CATSPERD: variants seen among roughly 807,000 people sequenced by gnomAD.
CATSPERD encodes the protein catsper channel auxiliary subunit delta, also known as cation channel sperm-associated auxiliary subunit delta.
A neutral mutation model predicts 98.1 loss-of-function variants in CATSPERD; 86 were observed. That is an observed-to-expected ratio of 0.88 (90% CI 0.74 to 1.05). The LOEUF (loss-of-function observed/expected upper bound fraction) is 1.05. Among genes scored for constraint, CATSPERD ranks in the 50% least tolerant of loss-of-function variants. The pLI is 0.00. For synonymous variants in CATSPERD, 394 were observed against 390.2 expected, an observed-to-expected ratio of 1.01 and a Z score of -0.12; for missense variants, 995 against 1,005.7, an observed-to-expected ratio of 0.99 and a Z score of 0.14.
At chr19:5,734,903 CA>C (rs2055812695) in intron 5 of CATSPERD, among the ~76,000 whole-genome samples, 1 of 151,968 alleles carries the variant, frequency 6.6e-6, no homozygotes, top group African/African-American at 2.4e-5. Context: ...GTCTGGTAAC[CA>C]AGCTGGATTA....
At chr19:5,778,254 T>G in intron 21 of CATSPERD, 122 bp from the exon 22 acceptor site, 1 of 720,826 alleles carries the variant, frequency 1.4e-6, no homozygotes, top group South Asian at 1.8e-5. Context: ...GAAGTGGGTA[T>G]ACCCGGTCAC....
chr19:5,768,341 TTTATTA>T lies in CATSPERD; in HGVS notation c.1634+108_1634+113del. The T allele has an allele frequency of 5.4e-6, 4 of 741,524 alleles. No individual in the cohort carries two copies. In the South Asian group the frequency reaches 1.2e-4, roughly 21 times the overall value. 45.9% of individuals were successfully genotyped at this position (741,524 alleles called of 1,614,324 possible). A position where few individuals can be genotyped will look rare whatever the true frequency, so the allele number is the denominator to read the frequency against. On this transcript the variant is annotated intron_variant, in intron 18 of 21. Transcript: ENST00000381624. ...GGAATTTTATTTATTTATTTATTTA[TTTATTA>T]TTATTATTGAGATGGAGTCTCGCCT...
chr19:5,734,585 C>T (rs2055804995), intron 5 of CATSPERD, among the ~76,000 whole-genome samples: 1 of 151,902 alleles, frequency 6.6e-6, no homozygotes, highest in African/African-American at 2.4e-5. Flanking sequence ...TTGCGGTGAG[C>T]CGAGATTGTG....
chr19:5,764,003 C>T (rs1418981957), intron 16 of CATSPERD, among the ~76,000 whole-genome samples: 1 of 150,750 alleles, frequency 6.6e-6, no homozygotes, highest in East Asian at 2.0e-4. Flanking sequence ...CATGTGCCAC[C>T]ATGCCCAGCT....
At chr19:5,762,058 A>ATATTTT in intron 15 of CATSPERD, among the ~76,000 whole-genome samples, 4 of 10,438 alleles carry the variant, frequency 3.8e-4, no homozygotes, top group South Asian at 7.8e-3. Flanking sequence ...ATATATATAT[A>ATATTTT]TTTTTTTTTT....
intron 19 of CATSPERD, 90 bp downstream of exon 19, chr19:5,771,162 C>T: frequency 7.5e-7 from 1 of 1,335,298 alleles, no homozygotes; most frequent in Non-Finnish European, 1.0e-6. Flanking sequence ...CCTCCAGGCT[C>T]CCCTAGATCC....
At position 5,735,477 on chromosome 19, in the gene CATSPERD, A is replaced by T. The variant is rs534493565; in HGVS notation, c.391+1507A>T. On this transcript the variant is annotated intron_variant, in intron 5 of 21. Coordinates refer to ENST00000381624, the MANE Select transcript of CATSPERD (RefSeq NM_152784.4). ...AGGCATGTGCCACCACGCCCAGCTA[A>T]TTTTTTTTTTTTTTTTGACGGAGTC... is the stretch of plus-strand genomic sequence containing the variant. Among the ~76,000 whole-genome samples the T allele has an allele frequency of 7.3e-4, 103 of 140,502 alleles. No individual in the cohort carries two copies. The South Asian group carries it at 0.022, about 30-fold the overall frequency. 92.2% of individuals were successfully genotyped at this position (140,502 alleles called of 152,430 possible).
At chr19:5,724,234 C>T (rs902138457) in intron 1 of CATSPERD, among the ~76,000 whole-genome samples, 2 of 151,350 alleles carry the variant, frequency 1.3e-5, no homozygotes, top group African/African-American at 2.4e-5. Context: ...CTCTAATTTT[C>T]GTATTTTCAG....
chr19:5,757,454 T>C (rs913208683), intron 13 of CATSPERD, among the ~76,000 whole-genome samples: 13 of 151,554 alleles, frequency 8.6e-5, no homozygotes, highest in African/African-American at 2.9e-4. Context: ...TGCACCACCA[T>C]GCCTGGCTAA....
intron 18 of CATSPERD, among the ~76,000 whole-genome samples, chr19:5,770,654 G>T (rs1352283930): frequency 6.6e-6 from 1 of 151,542 alleles, no homozygotes; most frequent in Non-Finnish European, 1.5e-5. Flanking sequence ...GGTGGTGCGT[G>T]CCTGTAATCC....
chr19:5,760,797 T>G (rs55740795), intron 15 of CATSPERD, among the ~76,000 whole-genome samples: 6,133 of 151,894 alleles, frequency 0.04, 193 homozygotes, highest in South Asian at 0.068. Flanking sequence ...AGGAGATCCA[T>G]AGCAACTCAG....
chr19:5,748,314 G>A (rs2056135477), intron 10 of CATSPERD, 59 bp downstream of exon 10: 1 of 1,514,274 alleles, frequency 6.6e-7, no homozygotes, highest in Non-Finnish European at 9.2e-7. Context: ...TTAACCGTAG[G>A]CCTGCCAGAC....
intron 11 of CATSPERD, among the ~76,000 whole-genome samples, chr19:5,751,341 A>G (rs1175780443): frequency 2.7e-5 from 4 of 150,520 alleles, no homozygotes; most frequent in African/African-American, 9.8e-5. Flanking sequence ...TGGCTAACAC[A>G]GTGAAACCCT....
intron 3 of CATSPERD, among the ~76,000 whole-genome samples, chr19:5,728,179 G>A (rs1421192300): frequency 6.6e-6 from 1 of 151,528 alleles, no homozygotes; most frequent in Non-Finnish European, 1.5e-5. Flanking sequence ...CCAACATGGT[G>A]AAACCCCGTC....
intron 12 of CATSPERD, chr19:5,753,677 G>A (rs907405283): frequency 1.2e-4 from 38 of 327,202 alleles, no homozygotes; most frequent in Non-Finnish European, 2.2e-4. Flanking sequence ...TGGGACCAGC[G>A]TGGCAACATA....
chr19:5,766,103 T>C lies in CATSPERD; in HGVS notation c.1507T>C (p.Ser503Pro). 1 of 1,612,764 alleles carries C rather than the reference T, an allele frequency of 6.2e-7. No individual in the cohort carries two copies. Among genetic ancestry groups the C allele is most frequent in the Admixed American group, 1.7e-5 (1 of 59,816 alleles). The change falls in exon 17 of 22, where the codon TCG becomes CCG. Residue 503 changes from serine (S) to proline (P), a missense_variant and splice_region_variant. Around this residue, in one of 3 missense-constraint regions of CATSPERD, gnomAD observed 762 missense variants for 773.7 expected, o/e 0.98. Coordinates refer to ENST00000381624, the MANE Select transcript of CATSPERD (RefSeq NM_152784.4). ...ATATTTCTGTCTCTCTCCTCTGCAG[T>C]CGACACTGATTTCAGTTGGCTGCGA... ...EISCVDIKPL[S>P]TLISVGCDLD...
intron 16 of CATSPERD, among the ~76,000 whole-genome samples, 170 bp from the exon 17 acceptor site, chr19:5,765,933 G>A (rs568543185): frequency 4.6e-5 from 7 of 152,182 alleles, no homozygotes; most frequent in African/African-American, 9.6e-5. Context: ...TAAGCTCCGC[G>A]GGGCCAGCTG....
chr19:5,732,105 G>C (rs1483102777), intron 4 of CATSPERD, among the ~76,000 whole-genome samples: 1 of 151,608 alleles, frequency 6.6e-6, no homozygotes, highest in Non-Finnish European at 1.5e-5. Flanking sequence ...TGAGTAGCTG[G>C]AATTACCCCC....
intron 17 of CATSPERD, among the ~76,000 whole-genome samples, chr19:5,767,307 ACT>A (rs1408584440): frequency 1.4e-5 from 1 of 71,072 alleles, no homozygotes; most frequent in Non-Finnish European, 2.6e-5. Flanking sequence ...ACAGAGCGAG[ACT>A]CTGTCTCAAA....
Sources: gnomAD v4.1 joint callset for allele counts (sites outside exome capture counted in the v4.1 genomes callset) on GRCh38, gnomAD v4.1.1 for gene constraint, gnomAD v4.1.1 regional missense constraint, MANE v1.5 for transcripts, NCBI Gene and HGNC (gene_info 2026-07-23, HGNC 2026-07-21) for gene names.